UNC5C: variants seen among roughly 807,000 people sequenced by gnomAD.
The protein encoded by UNC5C is netrin receptor UNC5C.
In UNC5C, 47 loss-of-function variants were observed where a neutral mutation model predicts 99.8. The ratio of observed to expected loss-of-function variants is 0.47; its 90% CI spans 0.37 to 0.60. UNC5C has a LOEUF of 0.60. Among genes scored for constraint, UNC5C ranks in the 20% least tolerant of loss-of-function variants. The probability of loss-of-function intolerance (pLI) is 0.00; values close to 1 mark genes in which losing one functional copy is unlikely to be tolerated. For missense variants in UNC5C, 1,062 were observed against 1,165.9 expected, an observed-to-expected ratio of 0.91 and a Z score of 1.30; for synonymous variants, 487 against 452.2, an observed-to-expected ratio of 1.08 and a Z score of -0.98.
chr4:95,496,388 C>G (rs1040203463), intron 1 of UNC5C, among the ~76,000 whole-genome samples: 7 of 151,670 alleles, frequency 4.6e-5, no homozygotes, highest in African/African-American at 1.7e-4. Context: ...TACACTATCC[C>G]TAAATTTGTG....
chr4:95,396,115 G>A (rs1399050195), intron 1 of UNC5C, among the ~76,000 whole-genome samples: 1 of 152,220 alleles, frequency 6.6e-6, no homozygotes, highest in Non-Finnish European at 1.5e-5. Context: ...AAACCCAGAG[G>A]ATATTAATAG....
chr4:95,526,819 A>C (rs2149491754), intron 1 of UNC5C, among the ~76,000 whole-genome samples: 1 of 152,202 alleles, frequency 6.6e-6, no homozygotes. Flanking sequence ...TTGAAAAAAA[A>C]TGATTTTAAC....
chr4:95,233,733 C>G (rs544460534), intron 7 of UNC5C, among the ~76,000 whole-genome samples: 1 of 152,162 alleles, frequency 6.6e-6, no homozygotes, highest in South Asian at 2.1e-4. Context: ...GTCAGGAGTT[C>G]GAGACCAGCC....
At chr4:95,528,681 T>A (rs1722559173) in intron 1 of UNC5C, among the ~76,000 whole-genome samples, 1 of 152,086 alleles carries the variant, frequency 6.6e-6, no homozygotes, top group Non-Finnish European at 1.5e-5. Flanking sequence ...AGTATAACCC[T>A]GGGAGAGCCA....
intron 1 of UNC5C, among the ~76,000 whole-genome samples, chr4:95,487,633 A>C (rs1457349382): frequency 6.6e-6 from 1 of 151,718 alleles, no homozygotes; most frequent in Non-Finnish European, 1.5e-5. Flanking sequence ...TTTCATTTTG[A>C]GCAAGAAACT....
chr4:95,358,694 A>C (rs1478752501), intron 1 of UNC5C, among the ~76,000 whole-genome samples: 2 of 152,124 alleles, frequency 1.3e-5, no homozygotes, highest in African/African-American at 4.8e-5. Context: ...AACTAATTAA[A>C]TCTGGACAAG....
chr4:95,281,768 G>C (rs1350449417), intron 3 of UNC5C, among the ~76,000 whole-genome samples: 1 of 152,114 alleles, frequency 6.6e-6, no homozygotes, highest in Admixed American at 6.5e-5. Context: ...GTTAGGTTTG[G>C]CATATCTATG....
Position 95,353,811 on chromosome 4 carries a change from T to C in UNC5C, c.125-18180A>G, listed in dbSNP as rs185369213. ...TAAGACCATATGGTTTAAAGTATAT[T>C]TTAACTAAATAACCATTTAAAAACT... On this transcript the variant is annotated intron_variant, in intron 1 of 15. Transcript: ENST00000453304. 2.2e-3 allele frequency among the ~76,000 whole-genome samples: 342 copies of C among 152,178 alleles called. 1 individual carries two copies. Among genetic ancestry groups the C allele is most frequent in the African/African-American group, 8.0e-3 (331 of 41,552 alleles).
At chr4:95,344,247 T>G (rs1366156174) in intron 1 of UNC5C, among the ~76,000 whole-genome samples, 1 of 152,042 alleles carries the variant, frequency 6.6e-6, no homozygotes, top group Non-Finnish European at 1.5e-5. Context: ...GGCAGCAGAC[T>G]TCTCAGTGGA....
intron 10 of UNC5C, among the ~76,000 whole-genome samples, chr4:95,211,336 A>G (rs1207063213): frequency 6.6e-6 from 1 of 152,222 alleles, no homozygotes; most frequent in Non-Finnish European, 1.5e-5. Context: ...TTGTGCAAAA[A>G]TAATATTTAT....
intron 1 of UNC5C, among the ~76,000 whole-genome samples, chr4:95,419,934 AT>A (rs1380890802): frequency 1.3e-5 from 2 of 152,116 alleles, no homozygotes; most frequent in Non-Finnish European, 2.9e-5. Flanking sequence ...CAGGATGGAT[AT>A]TTTTTACAAT....
chr4:95,236,644 AT>A (rs759104391), intron 7 of UNC5C, among the ~76,000 whole-genome samples: 5 of 152,036 alleles, frequency 3.3e-5, no homozygotes, highest in African/African-American at 9.7e-5. Flanking sequence ...AAGAAAAAAA[AT>A]ACTTGTAATC....
chr4:95,399,093 T>C (rs1454605405), intron 1 of UNC5C, among the ~76,000 whole-genome samples: 2 of 152,176 alleles, frequency 1.3e-5, no homozygotes, highest in Non-Finnish European at 2.9e-5. Context: ...GTCTTCCTAA[T>C]GCCTTAGACA....
intron 1 of UNC5C, among the ~76,000 whole-genome samples, chr4:95,431,690 A>T (rs1162515299): frequency 6.6e-6 from 1 of 152,104 alleles, no homozygotes; most frequent in Non-Finnish European, 1.5e-5. Context: ...ATTCCTCCCT[A>T]CAGGAAATAG....
chr4:95,332,185 A>G (rs1743139751), intron 2 of UNC5C, among the ~76,000 whole-genome samples: 2 of 152,174 alleles, frequency 1.3e-5, no homozygotes, highest in South Asian at 2.1e-4. Context: ...CCATCAAGCT[A>G]CCAATGACTT....
At chr4:95,510,778 T>C (rs914376590) in intron 1 of UNC5C, among the ~76,000 whole-genome samples, 5 of 152,116 alleles carry the variant, frequency 3.3e-5, no homozygotes, top group Admixed American at 6.6e-5. Context: ...TTATATAATC[T>C]CCATAGAATG....
At chr4:95,393,738 AT>A (rs2149445861) in intron 1 of UNC5C, among the ~76,000 whole-genome samples, 1 of 152,278 alleles carries the variant, frequency 6.6e-6, no homozygotes, top group South Asian at 2.1e-4. Flanking sequence ...TCGCTTATTC[AT>A]TTGAAATTAA....
rs550142784 is a variant in UNC5C at position 95,383,982 on chromosome 4, C to T, written c.125-48351G>A. On this transcript the variant is annotated intron_variant, in intron 1 of 15. Transcript: ENST00000453304. ...TTAAAAAATGGGAACTAGATTGTCT[C>T]AGAATGTTATTTTACTTCAATACTA... 2.9e-4 allele frequency among the ~76,000 whole-genome samples: 44 copies of T among 152,180 alleles called. 1 individual carries two copies. Among genetic ancestry groups the T allele is most frequent in the Middle Eastern group, 3.4e-3 (1 of 294 alleles).
intron 3 of UNC5C, among the ~76,000 whole-genome samples, chr4:95,286,885 T>C (rs1041220397): frequency 6.6e-6 from 1 of 152,164 alleles, no homozygotes; most frequent in African/African-American, 2.4e-5. Flanking sequence ...TTTTTCTAAC[T>C]GTATATGTTG....
Sources: gnomAD v4.1 joint callset for allele counts (sites outside exome capture counted in the v4.1 genomes callset) on GRCh38, gnomAD v4.1.1 for gene constraint, MANE v1.5 for transcripts, NCBI Gene and HGNC (gene_info 2026-07-23, HGNC 2026-07-21) for gene names.